SAMD5: variants seen among roughly 807,000 people sequenced by gnomAD.
The protein encoded by SAMD5 is sterile alpha motif domain containing 5.
SAMD5 carries 13 observed loss-of-function variants against 11.3 expected under a neutral mutation model. The ratio of observed to expected loss-of-function variants is 1.15; its 90% CI spans 0.75 to 1.83. The LOEUF (loss-of-function observed/expected upper bound fraction) is 1.83, where lower values mean the gene tolerates loss of function less well. Among genes scored for constraint, SAMD5 ranks in the 40% most tolerant of loss-of-function variants. The pLI is 0.00. For missense variants in SAMD5, 255 were observed against 239.1 expected, an observed-to-expected ratio of 1.07 and a Z score of -0.44; for synonymous variants, 129 against 111.3, an observed-to-expected ratio of 1.16 and a Z score of -1.00.
chr6:147,941,550 G>T, the SAMD5 span, among the ~76,000 whole-genome samples: 1 of 151,758 alleles, frequency 6.6e-6, no homozygotes, highest in Non-Finnish European at 1.5e-5. Flanking sequence ...AATAGAATAT[G>T]TTTTTTTTAG....
At chr6:147,811,660 TTGA>T in the SAMD5 span, among the ~76,000 whole-genome samples, 1 of 151,966 alleles carries the variant, frequency 6.6e-6, no homozygotes, top group African/African-American at 2.4e-5. Context: ...GGGGGTTATA[TTGA>T]TGATGGAATT....
intron 1 of SAMD5, among the ~76,000 whole-genome samples, chr6:147,700,608 A>C (rs953031335): frequency 4.6e-5 from 7 of 152,212 alleles, no homozygotes; most frequent in African/African-American, 1.7e-4. Context: ...TTATTTGTAT[A>C]GCAGCAAACA....
At chr6:147,888,135 G>A in the SAMD5 span, among the ~76,000 whole-genome samples, 4 of 152,032 alleles carry the variant, frequency 2.6e-5, no homozygotes, top group Non-Finnish European at 5.9e-5. Flanking sequence ...ATATTCTAAA[G>A]AGCATCATTT....
chr6:147,746,688 C>G, the SAMD5 span, among the ~76,000 whole-genome samples: 14 of 152,146 alleles, frequency 9.2e-5, no homozygotes, highest in Non-Finnish European at 2.9e-5. Flanking sequence ...CATGGAAGGT[C>G]TCAGAAGACA....
intron 1 of SAMD5, among the ~76,000 whole-genome samples, chr6:147,658,652 C>T (rs4896936): frequency 0.091 from 13,419 of 147,418 alleles, 868 homozygotes; most frequent in East Asian, 0.26. Flanking sequence ...TTGTCATCTC[C>T]TACTGGGTTT....
intron 1 of SAMD5, among the ~76,000 whole-genome samples, chr6:147,560,702 A>T (rs558515688): frequency 3.4e-4 from 52 of 152,346 alleles, no homozygotes; most frequent in African/African-American, 1.2e-3. Context: ...TGAGAAAAAA[A>T]TGCAATCTCA....
chr6:147,607,155 G>A (rs844603), intron 1 of SAMD5, among the ~76,000 whole-genome samples: 13,176 of 151,990 alleles, frequency 0.087, 907 homozygotes, highest in African/African-American at 0.2. Context: ...TCTCATAGAA[G>A]TTTGAATTTT....
At chr6:147,807,676 C>T in the SAMD5 span, among the ~76,000 whole-genome samples, 1 of 152,154 alleles carries the variant, frequency 6.6e-6, no homozygotes, top group African/African-American at 2.4e-5. Flanking sequence ...AATTGTCCAT[C>T]GTCCTTATGT....
At chr6:147,816,057 T>C in the SAMD5 span, among the ~76,000 whole-genome samples, 4 of 151,696 alleles carry the variant, frequency 2.6e-5, no homozygotes, top group African/African-American at 9.7e-5. Context: ...AACGGGCAGA[T>C]CACCTGAGGT....
intron 1 of SAMD5, among the ~76,000 whole-genome samples, chr6:147,675,334 C>T (rs1790847474): frequency 6.6e-6 from 1 of 152,148 alleles, no homozygotes; most frequent in Non-Finnish European, 1.5e-5. Context: ...CACAAGTAAG[C>T]TCTGAAATGT....
At chr6:147,588,312 GTTT>G (rs34758455) in intron 1 of SAMD5, among the ~76,000 whole-genome samples, 498 of 103,100 alleles carry the variant, frequency 4.8e-3, no homozygotes, top group Admixed American at 5.6e-3. Context: ...TACTTTGTTG[GTTT>G]TTTTTTTTTT....
At chr6:147,914,200 T>C in the SAMD5 span, among the ~76,000 whole-genome samples, 1 of 151,610 alleles carries the variant, frequency 6.6e-6, no homozygotes, top group Non-Finnish European at 1.5e-5. Context: ...ATCGTTAGTG[T>C]TAGTGTATTT....
At chr6:147,784,397 C>CA in the SAMD5 span, among the ~76,000 whole-genome samples, 1 of 152,114 alleles carries the variant, frequency 6.6e-6, no homozygotes, top group African/African-American at 2.4e-5. Context: ...TGTTCTGACC[C>CA]ACTTATGGCT....
chr6:147,723,041 T>C (rs535636170), intron 1 of SAMD5, among the ~76,000 whole-genome samples: 2 of 152,348 alleles, frequency 1.3e-5, no homozygotes, highest in South Asian at 4.1e-4. Context: ...CCTTGCACAC[T>C]GCAGCCATTC....
At chr6:147,663,767 G>A (rs1379184020) in intron 1 of SAMD5, among the ~76,000 whole-genome samples, 1 of 139,560 alleles carries the variant, frequency 7.2e-6, no homozygotes, top group Non-Finnish European at 1.5e-5. Context: ...ACTTCAGCCT[G>A]GGTGAAAGAG....
the SAMD5 span, among the ~76,000 whole-genome samples, chr6:147,797,045 T>C: frequency 6.4e-5 from 8 of 124,330 alleles, no homozygotes; most frequent in African/African-American, 1.8e-4. Context: ...TTTTCCTAAT[T>C]GAATACCCTT....
At chr6:147,586,395 A>C (rs749615376) in intron 1 of SAMD5, among the ~76,000 whole-genome samples, 3 of 152,152 alleles carry the variant, frequency 2.0e-5, no homozygotes, top group Admixed American at 6.5e-5. Flanking sequence ...AGTCTTACGA[A>C]ATTTTACCCT....
the SAMD5 span, among the ~76,000 whole-genome samples, chr6:147,822,169 A>C: frequency 6.6e-6 from 1 of 152,210 alleles, no homozygotes; most frequent in Non-Finnish European, 1.5e-5. Context: ...GTTGGCACTA[A>C]CAACATTATT....
intron 1 of SAMD5, among the ~76,000 whole-genome samples, chr6:147,687,566 T>C (rs1791036422): frequency 6.6e-6 from 1 of 152,164 alleles, no homozygotes; most frequent in African/African-American, 2.4e-5. Flanking sequence ...TACTTCTATC[T>C]GGAATCATTT....
Sources: allele counts gnomAD v4.1 joint callset (sites outside exome capture counted in the v4.1 genomes callset), GRCh38; gene constraint gnomAD v4.1.1; transcripts MANE v1.5; gene names NCBI Gene and HGNC (gene_info 2026-07-23, HGNC 2026-07-21).